MYBL1: variants seen among roughly 807,000 people sequenced by gnomAD.
The protein encoded by MYBL1 is myb-related protein A.
Under a neutral mutation model 96.3 loss-of-function variants are expected in MYBL1, and 17 were observed. That is an observed-to-expected ratio of 0.18 (90% CI 0.12 to 0.26). The LOEUF (loss-of-function observed/expected upper bound fraction) is 0.26. Among genes scored for constraint, MYBL1 ranks in the 10% least tolerant of loss-of-function variants. The probability of loss-of-function intolerance (pLI) is 1.00; values close to 1 mark genes in which losing one functional copy is unlikely to be tolerated. For missense variants in MYBL1, 701 were observed against 882.9 expected (o/e 0.79, Z 2.61); for synonymous variants, 282 against 292.7 (o/e 0.96, Z 0.37).
chr8:66,602,548 T>C, intron 1 of MYBL1, 25 bp from the exon 2 acceptor site: 1 of 1,516,352 alleles, frequency 6.6e-7, no homozygotes, highest in South Asian at 1.2e-5. Flanking sequence ...CAATTTGTGA[T>C]ATCAAGAATT....
intron 7 of MYBL1, 51 bp from the exon 8 acceptor site, chr8:66,592,595 A>C: frequency 3.9e-6 from 4 of 1,024,094 alleles, no homozygotes; most frequent in African/African-American, 3.3e-5. Flanking sequence ...TAATTGCTTT[A>C]TTATTAGTAT....
intron 10 of MYBL1, among the ~76,000 whole-genome samples, chr8:66,575,334 T>C (rs560020842): frequency 5.3e-5 from 8 of 152,316 alleles, no homozygotes; most frequent in African/African-American, 1.9e-4. Context: ...ATCAGGTATA[T>C]CTATCGAACA....
chr8:66,575,895 C>A (rs953041425), intron 10 of MYBL1, 112 bp downstream of exon 10: 2 of 1,098,162 alleles, frequency 1.8e-6, no homozygotes, highest in Non-Finnish European at 2.6e-6. Flanking sequence ...TACATTTAAA[C>A]ACATTATTTT....
intron 10 of MYBL1, among the ~76,000 whole-genome samples, chr8:66,574,393 CT>C (rs374356446): frequency 4.2e-4 from 64 of 152,296 alleles, no homozygotes; most frequent in African/African-American, 1.5e-3. Flanking sequence ...CCCAAGCCTA[CT>C]TCACTTTCTC....
intron 8 of MYBL1, among the ~76,000 whole-genome samples, chr8:66,583,671 G>A (rs1307397738): frequency 1.3e-5 from 2 of 151,912 alleles, no homozygotes; most frequent in Non-Finnish European, 2.9e-5. Flanking sequence ...AGGATCATTA[G>A]AGGTTATCAT....
Position 66,593,170 on chromosome 8 carries a change from G to T in MYBL1, c.712C>A (p.Pro238Thr). The change falls in exon 7 of 16, where the codon CCT becomes ACT. Residue 238 changes from proline (P) to threonine (T), a missense_variant. This residue lies in a region of MYBL1 where 396 missense variants were observed against 407.4 expected (regional missense o/e 0.97). Transcript: ENST00000522677. ...ACATGTTCTATACAATTGCCTTCAG[G>T]TGACACATACTGATACCCAGGGATC... ...VQIPGYQYVS[P>T]EGNCIEHVQP... is the part of the protein sequence containing the mutation. 1 of 1,587,068 alleles carries T rather than the reference G, an allele frequency of 6.3e-7. No homozygotes were observed. Among genetic ancestry groups the T allele is most frequent in the Non-Finnish European group, 8.6e-7 (1 of 1,163,580 alleles).
chr8:66,578,963 A>G (rs1176001716), intron 9 of MYBL1, among the ~76,000 whole-genome samples: 1 of 152,196 alleles, frequency 6.6e-6, no homozygotes, highest in Non-Finnish European at 1.5e-5. Context: ...CATCATTCTC[A>G]GTAAACTATC....
At chr8:66,569,466 C>G (rs1417217529) in intron 12 of MYBL1, among the ~76,000 whole-genome samples, 2 of 151,920 alleles carry the variant, frequency 1.3e-5, no homozygotes, top group African/African-American at 4.8e-5. Context: ...CCTCCCACTT[C>G]AGTCTCCCAA....
At chr8:66,579,798 C>G (rs1278857786) in intron 9 of MYBL1, among the ~76,000 whole-genome samples, 1 of 151,916 alleles carries the variant, frequency 6.6e-6, no homozygotes, top group Non-Finnish European at 1.5e-5. Flanking sequence ...AGAACACAGA[C>G]TGAAAGGAAT....
chr8:66,603,980 A>G (rs1394734324), intron 1 of MYBL1, among the ~76,000 whole-genome samples: 1 of 152,102 alleles, frequency 6.6e-6, no homozygotes, highest in Non-Finnish European at 1.5e-5. Context: ...AAAAAAATCA[A>G]GAAGAATGGC....
chr8:66,571,813 G>A (rs56153120), intron 12 of MYBL1, among the ~76,000 whole-genome samples: 3,294 of 151,704 alleles, frequency 0.022, 130 homozygotes, highest in African/African-American at 0.073. Context: ...AGGAGGCGGA[G>A]GTTGCAGTGA....
Position 66,567,931 on chromosome 8 carries a change from G to A in MYBL1, c.1729-939C>T, listed in dbSNP as rs374339261. Among the ~76,000 whole-genome samples the A allele has an allele frequency of 9.5e-4, 144 of 151,158 alleles. 6 individuals are homozygous for A. The South Asian group carries it at 0.028, about 29-fold the overall frequency. On this transcript the variant is annotated intron_variant, in intron 12 of 15. Transcript: ENST00000522677. ...ACAAAAATTAGCCGGGGGTGGTGGTGTGCACCCCGGGAGGCTGAGGCATGA... is the reference window on the plus strand; with the variant it reads ...ACAAAAATTAGCCGGGGGTGGTGGTATGCACCCCGGGAGGCTGAGGCATGA...
intron 10 of MYBL1, 95 bp from the exon 11 acceptor site, chr8:66,573,601 C>T (rs1277038928): frequency 1.8e-6 from 2 of 1,093,692 alleles, no homozygotes; most frequent in Non-Finnish European, 2.5e-6. Flanking sequence ...TTTCTTCATA[C>T]CTCTTAAAAA....
In MYBL1 at chr8:66,566,700, T is replaced by C. The variant is rs1324257369; in HGVS notation, c.1934A>G (p.Asp645Gly). 3.8e-6 allele frequency: 6 copies of C among 1,596,706 alleles called. No homozygotes were observed. The highest frequency in any genetic ancestry group is 1.7e-4 in the Middle Eastern group (1 of 5,956). Residue 645 changes from aspartate to glycine, a missense_variant, in exon 14 of 16, where the codon GAC (aspartate) becomes GGC (glycine). Asp to Gly is a moderately conservative substitution (Grantham distance 94). Coordinates refer to ENST00000522677, the MANE Select transcript of MYBL1 (RefSeq NM_001080416.4). ...EESGTQLLTEDISDMQSENRF... is the reference protein window; with the variant it reads ...EESGTQLLTEGISDMQSENRF... ...TTTACAAACCTGCATGTCTGAAATGTCTTCAGTCAACAGTTGAGTGCCTGA... is the reference window on the plus strand; with the variant it reads ...TTTACAAACCTGCATGTCTGAAATGCCTTCAGTCAACAGTTGAGTGCCTGA...
intron 7 of MYBL1, 138 bp from the exon 8 acceptor site, chr8:66,592,682 C>T: frequency 1.9e-6 from 1 of 532,440 alleles, no homozygotes; most frequent in Non-Finnish European, 3.2e-6. Flanking sequence ...ATACTAACTA[C>T]TCATTATCAC....
intron 8 of MYBL1, among the ~76,000 whole-genome samples, chr8:66,592,022 T>C (rs930132632): frequency 1.3e-5 from 2 of 152,094 alleles, no homozygotes; most frequent in Non-Finnish European, 2.9e-5. Flanking sequence ...TCCCAGCACT[T>C]TGGGAGGCCA....
chr8:66,567,089 G>T, intron 12 of MYBL1, 97 bp from the exon 13 acceptor site: 1 of 735,594 alleles, frequency 1.4e-6, no homozygotes, highest in Non-Finnish European at 2.2e-6. Context: ...GTCCATTATT[G>T]TCATAATTTT....
intron 5 of MYBL1, among the ~76,000 whole-genome samples, chr8:66,596,814 C>T (rs2129970404): frequency 6.6e-6 from 1 of 152,232 alleles, no homozygotes; most frequent in South Asian, 2.1e-4. Context: ...ATCACTGCCT[C>T]TGAGGAAAAT....
rs1244438986 is a variant in MYBL1 at position 66,576,345 on chromosome 8, A to G, written c.1132T>C (p.Phe378Leu). Residue 378 changes from phenylalanine to leucine, a missense_variant, in exon 10 of 16, where the codon TTT becomes CTT. By Grantham distance (22) the Phe-to-Leu change is conservative. Coordinates refer to ENST00000522677, the MANE Select transcript of MYBL1 (RefSeq NM_001080416.4). The stretch of plus-strand genomic sequence containing the variant: ...GAAGCAGCAGCATCAGAAATATCAA[A>G]ACTGGTAACGTCACTCCATGCTACA... ...DPVAWSDVTSFDISDAAASPI... is the reference protein window; with the variant it reads ...DPVAWSDVTSLDISDAAASPI... 1 of 1,613,512 alleles carries G rather than the reference A, an allele frequency of 6.2e-7. No homozygotes were observed. Among genetic ancestry groups the G allele is most frequent in the Non-Finnish European group, 8.5e-7 (1 of 1,179,762 alleles).
Sources: gnomAD v4.1 joint callset for allele counts (sites outside exome capture counted in the v4.1 genomes callset) on GRCh38, gnomAD v4.1.1 for gene constraint, gnomAD v4.1.1 regional missense constraint, MANE v1.5 for transcripts, NCBI Gene and HGNC (gene_info 2026-07-23, HGNC 2026-07-21) for gene names.